The following FAM186B variants were observed in gnomAD, a reference collection of about 807,000 sequenced individuals.
FAM186B encodes family with sequence similarity 186 member B, also known as protein FAM186B.
FAM186B carries 68 observed loss-of-function variants against 83.4 expected under a neutral mutation model. That is an observed-to-expected ratio of 0.81 (90% CI 0.67 to 1.00). The LOEUF (loss-of-function observed/expected upper bound fraction) is 1.00. Ranked by LOEUF, FAM186B falls within the 50% of genes least tolerant of loss-of-function variation. The pLI is 0.00. For missense variants in FAM186B, 983 were observed against 1,099.2 expected, an observed-to-expected ratio of 0.89 and a Z score of 1.49; for synonymous variants, 389 against 422.0, an observed-to-expected ratio of 0.92 and a Z score of 0.96.
rs17853450 is a variant in FAM186B, at chr12:49,600,451, C to T, written c.1189G>A (p.Val397Met). 93 of 1,613,214 alleles carry T rather than the reference C, an allele frequency of 5.8e-5. No individual in the cohort carries two copies. In the East Asian group the frequency reaches 1.7e-3, roughly 29 times the overall value. ...AGHQPLSTMTVRSRVADVFGS... is the reference protein window; with the variant it reads ...AGHQPLSTMTMRSRVADVFGS... The stretch of plus-strand genomic sequence containing the variant: ...AACACATCTGCGACCCTCGAGCGCA[C>T]AGTCATGGTGGAAAGTGGCTGGTGC... The change falls in exon 4 of 7, where the codon GTG (valine) becomes ATG (methionine). Residue 397 changes from valine (V) to methionine (M), a missense_variant. Transcript: ENST00000257894. The surrounding 1 kb of genome is among the most constrained non-coding windows in gnomAD (Gnocchi z 4.3).
At position 49,598,959 on chromosome 12, in the gene FAM186B, G is replaced by A. The variant is rs1285403906; in HGVS notation, c.2172-12C>T. On this transcript the variant is annotated splice_polypyrimidine_tract_variant and intron_variant, in intron 4 of 6. Coordinates refer to ENST00000257894, the MANE Select transcript of FAM186B (RefSeq NM_032130.3). ...TGATCGCTTCTTGCCTGGGAAAAGA[G>A]GAGAAGCAATTTAGGGGGTGGAGAG... 6.2e-7 allele frequency: 1 copy of A among 1,612,906 alleles called. No homozygotes were observed. Among genetic ancestry groups the A allele is most frequent in the African/African-American group, 1.3e-5 (1 of 74,814 alleles).
chr12:49,595,211 T>A, intron 5 of FAM186B: 1 of 622,788 alleles, frequency 1.6e-6, no homozygotes, highest in Non-Finnish European at 2.9e-6. Flanking sequence ...CAAGCTGGGA[T>A]TAAGGTCACC....
At chr12:49,585,996 T>G (rs2138232060), downstream of FAM186B, among the ~76,000 whole-genome samples, 1 of 152,166 alleles carries the variant, frequency 6.6e-6, no homozygotes, top group Non-Finnish European at 1.5e-5. Flanking sequence ...GCCCCCACAC[T>G]GAGACATCAG....
intron 3 of FAM186B, among the ~76,000 whole-genome samples, chr12:49,602,580 G>A (rs1387345917): frequency 6.6e-6 from 1 of 152,192 alleles, no homozygotes; most frequent in African/African-American, 2.4e-5. Flanking sequence ...GATACAACCA[G>A]AAATTGACAG....
chr12:49,605,612 G>A lies in FAM186B; in HGVS notation c.-135C>T. 1.2e-6 allele frequency: 1 copy of A among 839,152 alleles called. No individual in the cohort carries two copies. Among genetic ancestry groups the A allele is most frequent in the East Asian group, 2.8e-5 (1 of 36,072 alleles). The allele number at this position is 839,152 out of a possible 1,614,324, so 52.0% of individuals were successfully genotyped here. On this transcript the variant is annotated 5_prime_UTR_variant, in exon 1 of 7. Coordinates refer to ENST00000257894, the MANE Select transcript of FAM186B (RefSeq NM_032130.3). ...CCCTCTGCCCAGGCACAGCTCCTCT[G>A]GTAACTGCCAAACACCAGGTTCCAA...
chr12:49,604,214 A>C, intron 2 of FAM186B, 99 bp downstream of exon 2: 1 of 895,834 alleles, frequency 1.1e-6, no homozygotes, highest in Non-Finnish European at 1.8e-6. Context: ...GAGTGGTGGA[A>C]TGCTTCACTG....
the FAM186B span, among the ~76,000 whole-genome samples, chr12:49,620,965 C>T: frequency 1.3e-5 from 2 of 152,086 alleles, no homozygotes; most frequent in Admixed American, 1.3e-4. Context: ...ATTCTCTTGT[C>T]TAACCTGAAT....
rs771086324 is a variant in FAM186B, at chr12:49,599,761, TGGGAACTCGGCG to T, written c.1867_1878del (p.Arg623_Pro626del). On this transcript the variant is annotated inframe_deletion, in exon 4 of 7. Coordinates refer to ENST00000257894, the MANE Select transcript of FAM186B (RefSeq NM_032130.3). ...AAGGAGGCAGATTTCTTGGGCTTTG[TGGGAACTCGGCG>T]GGTCCGTGGTCTGTAGGTAAACTCC... 16 of 1,614,024 alleles carry T rather than the reference TGGGAACTCGGCG, an allele frequency of 9.9e-6. No individual in the cohort carries two copies. Among genetic ancestry groups the T allele is most frequent in the Admixed American group, 1.7e-5 (1 of 60,010 alleles).
chr12:49,621,352 C>T, the FAM186B span, among the ~76,000 whole-genome samples: 468 of 152,280 alleles, frequency 3.1e-3, 1 homozygote, highest in Middle Eastern at 0.014. Flanking sequence ...GCCTGGGCAA[C>T]AAGAGCGAGA....
At chr12:49,616,111 C>A in the FAM186B span, among the ~76,000 whole-genome samples, 1 of 151,590 alleles carries the variant, frequency 6.6e-6, no homozygotes, top group Non-Finnish European at 1.5e-5. Flanking sequence ...CTCACTGCAA[C>A]CTCCGCCTCC....
chr12:49,615,718 A>T, the FAM186B span, among the ~76,000 whole-genome samples: 1 of 152,062 alleles, frequency 6.6e-6, no homozygotes, highest in Non-Finnish European at 1.5e-5. Context: ...AGTCCAGGGA[A>T]GTCAAGGCTG....
At chr12:49,599,377 C>G in intron 4 of FAM186B, 92 bp downstream of exon 4, 1 of 1,444,038 alleles carries the variant, frequency 6.9e-7, no homozygotes, top group Non-Finnish European at 9.1e-7. Flanking sequence ...CCCCATCCCC[C>G]CTTGCCCTGT....
At chr12:49,592,679 A>G (rs573771850) in intron 5 of FAM186B, among the ~76,000 whole-genome samples, 8 of 152,006 alleles carry the variant, frequency 5.3e-5, no homozygotes, top group Non-Finnish European at 1.2e-4. Flanking sequence ...CCAGCTACTC[A>G]GGAGGCTGAG....
chr12:49,584,843 T>A (rs899074998), downstream of FAM186B, among the ~76,000 whole-genome samples: 1 of 152,076 alleles, frequency 6.6e-6, no homozygotes, highest in African/African-American at 2.4e-5. Context: ...TCCTCTTCCC[T>A]CCCCTCATTC....
Position 49,587,541 on chromosome 12 carries a change from C to T in FAM186B, c.*64G>A. Reference sequence around the variant, plus strand: ...AGAGAGATTTATTGGGGAGAATCCACATTGACCATCAGCCTCGCACCTTAC... The same window carrying T: ...AGAGAGATTTATTGGGGAGAATCCATATTGACCATCAGCCTCGCACCTTAC... On this transcript the variant is annotated 3_prime_UTR_variant, in exon 7 of 7. Transcript: ENST00000257894. 15 of 1,596,222 alleles carry T rather than the reference C, an allele frequency of 9.4e-6. No individual in the cohort carries two copies. The highest frequency in any genetic ancestry group is 1.3e-5 in the Non-Finnish European group (15 of 1,163,770).
chr12:49,592,628 A>G (rs926266582), intron 5 of FAM186B, among the ~76,000 whole-genome samples: 1 of 152,158 alleles, frequency 6.6e-6, no homozygotes, highest in African/African-American at 2.4e-5. Context: ...TACTAAAAAT[A>G]CAAAAAAATT....
Position 49,587,716 on chromosome 12 carries a change from G to C in FAM186B, c.2571C>G (p.Thr857=). 3 of 1,614,048 alleles carry C rather than the reference G, an allele frequency of 1.9e-6. No individual in the cohort carries two copies. Among genetic ancestry groups the C allele is most frequent in the Non-Finnish European group, 2.5e-6 (3 of 1,179,990 alleles). The change falls in exon 7 of 7, where the codon ACC becomes ACG. Residue 857 remains threonine, a synonymous_variant. Transcript: ENST00000257894. ...QGKQMEAVWK[T]EVASSSYAIE... is the part of the protein sequence containing the mutation. ...TTGCGTAACTGGAGGAGGCCACCTC[G>C]GTCTTCCAGACAGCCTCCATCTGCT... is the stretch of plus-strand genomic sequence containing the variant.
the FAM186B span, among the ~76,000 whole-genome samples, chr12:49,614,018 C>T: frequency 2.0e-5 from 3 of 151,536 alleles, no homozygotes; most frequent in African/African-American, 4.9e-5. Flanking sequence ...GGCATGGCAG[C>T]GGGTGGCTGT....
At chr12:49,583,050 A>G (rs1031523388), downstream of FAM186B, 15 of 456,220 alleles carry the variant, frequency 3.3e-5, no homozygotes, top group African/African-American at 2.4e-4. Flanking sequence ...CAGAAGGTCA[A>G]AGTCCTCCAT....
Sources: allele counts gnomAD v4.1 joint callset (sites outside exome capture counted in the v4.1 genomes callset), GRCh38; gene constraint gnomAD v4.1.1; non-coding constraint Gnocchi (gnomAD v3.1); transcripts MANE v1.5; gene names NCBI Gene and HGNC (gene_info 2026-07-23, HGNC 2026-07-21).